Variants in CHN1 observed in about 807,000 individuals in gnomAD.
CHN1 encodes N-chimaerin.
A neutral mutation model predicts 59.5 loss-of-function variants in CHN1; 37 were observed. The observed-to-expected ratio is 0.62, with a 90% CI of 0.48 to 0.82. CHN1 has a LOEUF of 0.82. CHN1 is among the 40% of genes least tolerant of loss of function. CHN1 has a pLI of 0.00. For synonymous variants in CHN1, 206 were observed against 200.4 expected (o/e 1.03, Z -0.24); for missense variants, 469 against 571.0 (o/e 0.82, Z 1.82).
intron 5 of CHN1, among the ~76,000 whole-genome samples, chr2:174,905,501 A>G (rs1259475518): frequency 6.6e-6 from 1 of 152,128 alleles, no homozygotes; most frequent in Non-Finnish European, 1.5e-5. Context: ...TACTTTTGAG[A>G]GAGAATTGAA....
chr2:174,954,053 C>T (rs988249388), intron 1 of CHN1, among the ~76,000 whole-genome samples: 2 of 152,078 alleles, frequency 1.3e-5, no homozygotes. Context: ...TACTATAAGG[C>T]CATAGTTACC....
At chr2:174,961,979 G>A (rs896830551) in intron 1 of CHN1, among the ~76,000 whole-genome samples, 4 of 152,148 alleles carry the variant, frequency 2.6e-5, no homozygotes, top group Admixed American at 6.5e-5. Context: ...ATGGGATAGA[G>A]TGGGGTTAAT....
chr2:174,863,868 G>A (rs921828833), intron 6 of CHN1, among the ~76,000 whole-genome samples: 1 of 152,122 alleles, frequency 6.6e-6, no homozygotes, highest in African/African-American at 2.4e-5. Context: ...TCATTGGTGA[G>A]AACACTGATC....
intron 5 of CHN1, among the ~76,000 whole-genome samples, chr2:174,898,220 C>T (rs1688278351): frequency 6.6e-6 from 1 of 152,172 alleles, no homozygotes; most frequent in African/African-American, 2.4e-5. Context: ...GTCAGGGCCT[C>T]TCACCTTGTG....
intron 1 of CHN1, among the ~76,000 whole-genome samples, chr2:174,996,444 T>C (rs1330538399): frequency 6.6e-6 from 1 of 152,238 alleles, no homozygotes; most frequent in Non-Finnish European, 1.5e-5. Context: ...CAATATTAGC[T>C]ACTATGTATC....
Position 174,962,670 on chromosome 2 carries a change from G to GGTT in CHN1, c.20-10469_20-10468insAAC, listed in dbSNP as rs1553487677. 3.6e-4 allele frequency among the ~76,000 whole-genome samples: 26 copies of GGTT among 71,808 alleles called. 1 individual carries two copies. Among genetic ancestry groups the GGTT allele is most frequent in the African/African-American group, 1.5e-3 (26 of 17,086 alleles). 47.1% of individuals were successfully genotyped at this position (71,808 alleles called of 152,430 possible). A position where few individuals can be genotyped will look rare whatever the true frequency, so the allele number is the denominator to read the frequency against. ...CCAGCACTTTGGAAGGCCCGGGGGG[G>GGTT]GGGGGGGGGGGGGCAGATCACCTGA... On this transcript the variant is annotated intron_variant, in intron 1 of 12. Coordinates refer to ENST00000409900, the MANE Select transcript of CHN1 (RefSeq NM_001822.7).
At chr2:174,878,857 A>G (rs180749652) in intron 5 of CHN1, among the ~76,000 whole-genome samples, 136 of 152,384 alleles carry the variant, frequency 8.9e-4, no homozygotes, top group Non-Finnish European at 1.4e-3. Context: ...GATGTGCTCT[A>G]ACAACTGAAG....
intron 2 of CHN1, among the ~76,000 whole-genome samples, chr2:174,945,886 C>CTATACACACATA (rs1310528377): frequency 6.6e-6 from 1 of 151,568 alleles, no homozygotes; most frequent in Non-Finnish European, 1.5e-5. Context: ...TACAATTAGA[C>CTATACACACATA]TATACACACA....
chr2:174,874,941 T>G (rs976466397), intron 6 of CHN1, among the ~76,000 whole-genome samples: 14 of 150,950 alleles, frequency 9.3e-5, no homozygotes, highest in Non-Finnish European at 4.4e-5. Context: ...TGGCACGACT[T>G]CTGCTCATTG....
chr2:174,813,613 GTTAAA>G (rs1249983733), intron 8 of CHN1, among the ~76,000 whole-genome samples: 4 of 152,150 alleles, frequency 2.6e-5, no homozygotes, highest in Non-Finnish European at 5.9e-5. Context: ...CAAATATTTT[GTTAAA>G]TTAGACTGCA....
intron 3 of CHN1, among the ~76,000 whole-genome samples, chr2:174,923,849 C>A (rs1445974408): frequency 1.3e-5 from 2 of 152,098 alleles, no homozygotes; most frequent in African/African-American, 4.8e-5. Flanking sequence ...TTGCTTTACC[C>A]AAAATAATTT....
rs944786984 is a variant in CHN1, at chr2:175,005,299, C to G, written c.-387G>C. 1 of 1,195,518 alleles carries G rather than the reference C, an allele frequency of 8.4e-7. No individual in the cohort carries two copies. Among genetic ancestry groups the G allele is most frequent in the Non-Finnish European group, 1.1e-6 (1 of 947,376 alleles). The allele number at this position is 1,195,518 out of a possible 1,614,324, so 74.1% of individuals were successfully genotyped here. A position where few individuals can be genotyped will look rare whatever the true frequency, so the allele number is the denominator to read the frequency against. Reference sequence around the variant, plus strand: ...GCGGCGGCGACGGGGAGAGCAGCAGCAGCCTCGCACAGCCCCCGGCGGGGC... The same window carrying G: ...GCGGCGGCGACGGGGAGAGCAGCAGGAGCCTCGCACAGCCCCCGGCGGGGC... On this transcript the variant is annotated 5_prime_UTR_variant, in exon 1 of 13. Transcript: ENST00000409900.
intron 7 of CHN1, among the ~76,000 whole-genome samples, chr2:174,842,831 A>G (rs1176694345): frequency 2.6e-5 from 4 of 152,190 alleles, no homozygotes; most frequent in African/African-American, 9.7e-5. Context: ...TTTAATTGCA[A>G]TATCAATTCA....
At chr2:174,804,992 C>A (rs1684843129) in intron 11 of CHN1, among the ~76,000 whole-genome samples, 1 of 152,214 alleles carries the variant, frequency 6.6e-6, no homozygotes, top group South Asian at 2.1e-4. Flanking sequence ...AAAAGTATTA[C>A]CCATTACCAT....
chr2:174,899,243 A>G (rs2105354686), intron 5 of CHN1, among the ~76,000 whole-genome samples: 1 of 152,362 alleles, frequency 6.6e-6, no homozygotes, highest in African/African-American at 2.4e-5. Context: ...CATATGAATT[A>G]GAAAGAGTCA....
intron 3 of CHN1, among the ~76,000 whole-genome samples, chr2:174,921,470 A>G (rs1219536894): frequency 6.6e-6 from 1 of 152,128 alleles, no homozygotes; most frequent in African/African-American, 2.4e-5. Context: ...GTTCTCTCAT[A>G]TTTTATGAGT....
chr2:174,875,220 G>A (rs1687530430), intron 6 of CHN1, among the ~76,000 whole-genome samples: 1 of 152,098 alleles, frequency 6.6e-6, no homozygotes, highest in Non-Finnish European at 1.5e-5. Context: ...AAACCTATTT[G>A]AGCATAGAAC....
chr2:174,990,254 TGTGTGTGTGAGA>T (rs1691495073), intron 1 of CHN1, among the ~76,000 whole-genome samples: 6 of 96,174 alleles, frequency 6.2e-5, no homozygotes, highest in African/African-American at 2.0e-4. Context: ...TGTGTGTGTG[TGTGTGTGTGAGA>T]GAGAGAGAGA....
chr2:174,942,644 T>C (rs1689699455), intron 3 of CHN1, among the ~76,000 whole-genome samples: 1 of 152,200 alleles, frequency 6.6e-6, no homozygotes, highest in African/African-American at 2.4e-5. Context: ...TTTGAGGTAA[T>C]GGATATGCTA....
Sources: gnomAD v4.1 joint callset for allele counts (sites outside exome capture counted in the v4.1 genomes callset) on GRCh38, gnomAD v4.1.1 for gene constraint, MANE v1.5 for transcripts, NCBI Gene and HGNC (gene_info 2026-07-23, HGNC 2026-07-21) for gene names.